Variants in MYH2 observed in about 807,000 individuals in gnomAD.
The protein encoded by MYH2 is myosin-2.
A neutral mutation model predicts 228.1 loss-of-function variants in MYH2; 139 were observed. That is an observed-to-expected ratio of 0.61 (90% CI 0.53 to 0.70). MYH2 has a LOEUF of 0.70. MYH2 is among the 30% of genes least tolerant of loss of function. The pLI, the probability that MYH2 is intolerant of heterozygous loss-of-function variation, is 0.00. For missense variants in MYH2, 1,809 were observed against 2,357.5 expected, an observed-to-expected ratio of 0.77 and a Z score of 4.82; for synonymous variants, 796 against 871.1, an observed-to-expected ratio of 0.91 and a Z score of 1.52.
rs7224268 is a variant in MYH2 at position 10,522,949 on chromosome 17, A to G, written c.5673+141T>C. 0.53 allele frequency: 354,928 copies of G among 666,094 alleles called. 98,632 individuals carry two copies. Among genetic ancestry groups the G allele is most frequent in the Non-Finnish European group, 0.59 (224,854 of 378,206 alleles). 41.3% of individuals were successfully genotyped at this position (666,094 alleles called of 1,614,324 possible). ...TTTAAAATGAAGCTACTGATATTAC[A>G]AATGATACACAAGAATTATTGTACA... On this transcript the variant is annotated intron_variant, in intron 39 of 39. Transcript: ENST00000245503.
intron 5 of MYH2, among the ~76,000 whole-genome samples, chr17:10,544,958 A>G (rs955918965): frequency 6.6e-6 from 1 of 151,916 alleles, no homozygotes; most frequent in Admixed American, 6.6e-5. Flanking sequence ...TTACTCTTCC[A>G]TTTTTTGGCT....
intron 10 of MYH2, 97 bp downstream of exon 10, chr17:10,542,778 T>C (rs1295784012): frequency 1.3e-6 from 1 of 764,276 alleles, no homozygotes. Flanking sequence ...AAAAGGCACA[T>C]AAACTTGACA....
chr17:10,534,927 T>G, intron 19 of MYH2, 146 bp downstream of exon 19: 2 of 1,021,102 alleles, frequency 2.0e-6, no homozygotes, highest in Non-Finnish European at 3.0e-6. Flanking sequence ...AAAACAAAAG[T>G]GTTCGAGACT....
At chr17:10,548,025 C>T in intron 2 of MYH2, 85 bp from the exon 3 acceptor site, 1 of 1,218,054 alleles carries the variant, frequency 8.2e-7, no homozygotes, top group Non-Finnish European at 1.2e-6. Flanking sequence ...TTTCATAGGC[C>T]CAGTTGGAAA....
intron 10 of MYH2, 57 bp downstream of exon 10, chr17:10,542,816 ACT>A: frequency 1.7e-6 from 2 of 1,144,954 alleles, no homozygotes; most frequent in Non-Finnish European, 2.6e-6. Context: ...ACTAGGTTGG[ACT>A]GTGCATTGAT....
chr17:10,536,687 C>G, intron 16 of MYH2, 81 bp from the exon 17 acceptor site: 1 of 1,316,020 alleles, frequency 7.6e-7, no homozygotes. Context: ...CTGTGTTCAT[C>G]GAGTGGAGCC....
rs755909213 is a variant in MYH2 at position 10,523,553 on chromosome 17, C to T, written c.5415G>A (p.Glu1805=). 3 of 1,614,248 alleles carry T rather than the reference C, an allele frequency of 1.9e-6. No homozygotes were observed. Among genetic ancestry groups the T allele is most frequent in the East Asian group, 2.2e-5 (1 of 44,888 alleles). Residue 1805 remains glutamate (E), a synonymous_variant, in exon 37 of 40, where the codon GAG becomes GAA. Coordinates refer to ENST00000245503, the MANE Select transcript of MYH2 (RefSeq NM_017534.6). The stretch of plus-strand genomic sequence containing the variant: ...CACCCTTCAGGGCCAGCTGCTCAGC[C>T]TCATCCAGACGGAGCTGCAGATCCT... ...TVKDLQLRLD[E]AEQLALKGGK... is the part of the protein sequence containing the mutation.
chr17:10,543,762 C>G lies in MYH2; in HGVS notation c.690G>C (p.Leu230=). The G allele has an allele frequency of 6.2e-7, 1 of 1,614,182 alleles. No homozygotes were observed. The highest frequency in any genetic ancestry group is 1.7e-5 in the Admixed American group (1 of 60,014). ...EDQIISANPL[L]EAFGNAKTVR... is the part of the protein sequence containing the mutation. Reference sequence around the variant, plus strand: ...CGGTCTTGGCGTTGCCAAAGGCCTCCAGTAGGGGGTTGGCACTGATGATTT... The same window carrying G: ...CGGTCTTGGCGTTGCCAAAGGCCTCGAGTAGGGGGTTGGCACTGATGATTT... Residue 230 remains leucine, a synonymous_variant, in exon 8 of 40, where the codon CTG becomes CTC. Coordinates refer to ENST00000245503, the MANE Select transcript of MYH2 (RefSeq NM_017534.6).
At chr17:10,533,071 C>T (rs1246100212) in intron 21 of MYH2, among the ~76,000 whole-genome samples, 1 of 152,144 alleles carries the variant, frequency 6.6e-6, no homozygotes, top group Non-Finnish European at 1.5e-5. Context: ...ATAAGAAGTA[C>T]ACACTTCTTA....
Position 10,526,744 on chromosome 17 carries a change from G to C in MYH2, c.4042C>G (p.Leu1348Val). 1.2e-6 allele frequency: 2 copies of C among 1,614,224 alleles called. No homozygotes were observed. Among genetic ancestry groups the C allele is most frequent in the Non-Finnish European group, 1.7e-6 (2 of 1,180,034 alleles). ...ALQSSRHDCDLLREQYEEEQE... is the reference protein window; with the variant it reads ...ALQSSRHDCDVLREQYEEEQE... ...TCCTCCTCATACTGTTCCCGCAGCA[G>C]GTCACAGTCGTGGCGGGAAGACTGC... is the stretch of plus-strand genomic sequence containing the variant. The change falls in exon 30 of 40, where the codon CTG becomes GTG. Residue 1348 changes from leucine to valine, a missense_variant. Transcript: ENST00000245503.
rs1338582179 is a variant in MYH2 at position 10,529,894 on chromosome 17, T to C, written c.2878A>G (p.Ile960Val). The change falls in exon 23 of 40, where the codon ATT becomes GTT. Residue 960 changes from isoleucine (I) to valine (V), a missense_variant. This residue lies in a region of MYH2 where 43 missense variants were observed against 89.2 expected (regional missense o/e 0.48). Transcript: ENST00000245503. ...EDECSELKKDIDDLELTLAKV... is the reference protein window; with the variant it reads ...EDECSELKKDVDDLELTLAKV... ...GCCAGTGTCAGCTCAAGGTCATCAA[T>C]GTCTTTCTTGAGTTCTGAACATTCA... 5.6e-6 allele frequency: 9 copies of C among 1,613,232 alleles called. No individual in the cohort carries two copies. Among genetic ancestry groups the C allele is most frequent in the Non-Finnish European group, 7.6e-6 (9 of 1,179,332 alleles).
chr17:10,526,478 C>T lies in MYH2; in HGVS notation c.4187+121G>A, dbSNP rs12950718. ...TCTTATTCTCAGGGCCTGATTGTGACTGGCACATAAAAGCAGATTAATGAG... is the reference window on the plus strand; with the variant it reads ...TCTTATTCTCAGGGCCTGATTGTGATTGGCACATAAAAGCAGATTAATGAG... On this transcript the variant is annotated intron_variant, in intron 30 of 39. Coordinates refer to ENST00000245503, the MANE Select transcript of MYH2 (RefSeq NM_017534.6). The T allele has an allele frequency of 0.056, 83,390 of 1,481,170 alleles. 2,719 individuals carry two copies. The highest frequency in any genetic ancestry group is 0.11 in the South Asian group (9,455 of 87,398). 91.8% of individuals were successfully genotyped at this position (1,481,170 alleles called of 1,614,324 possible).
Position 10,523,785 on chromosome 17 carries a change from CT to C in MYH2, c.5274del (p.Glu1759LysfsTer12). 1 of 1,614,232 alleles carries C rather than the reference CT, an allele frequency of 6.2e-7. No individual in the cohort carries two copies. Among genetic ancestry groups the C allele is most frequent in the Non-Finnish European group, 8.5e-7 (1 of 1,180,042 alleles). ...TCAGTGATGGCCTTCTTGGCCTTTT[CT>C]TCTGCATTGCGGGCTTCCTGGAGAA... ...EDILQEARNA[E>X]EKAKKAITDA... On this transcript the variant is annotated frameshift_variant, in exon 36 of 40. Coordinates refer to ENST00000245503, the MANE Select transcript of MYH2 (RefSeq NM_017534.6). LOFTEE classifies it high-confidence loss of function.
intron 22 of MYH2, 37 bp from the exon 23 acceptor site, chr17:10,530,111 A>G: frequency 6.2e-7 from 1 of 1,613,908 alleles, no homozygotes; most frequent in Non-Finnish European, 8.5e-7. Context: ...GGGAAGAAAG[A>G]ATGAAATACT....
Position 10,544,106 on chromosome 17 carries a change from A to AGGAT in MYH2, c.523_526dup (p.Leu176HisfsTer30). The AGGAT allele has an allele frequency of 6.2e-7, 1 of 1,614,172 alleles. No individual in the cohort carries two copies. The highest frequency in any genetic ancestry group is 2.2e-5 in the East Asian group (1 of 44,890). On this transcript the variant is annotated frameshift_variant, in exon 6 of 40. Transcript: ENST00000245503. LOFTEE classifies it high-confidence loss of function. ...AAGCATAAAATCTACTTACGTGATCAGGATTGACTGATTCTCTCGGTCTAC... is the reference window on the plus strand; with the variant it reads ...AAGCATAAAATCTACTTACGTGATCAGGATGGATTGACTGATTCTCTCGGTCTAC...
chr17:10,539,835 T>C (rs2073529566), intron 12 of MYH2, 93 bp downstream of exon 12: 2 of 1,555,008 alleles, frequency 1.3e-6, no homozygotes, highest in Non-Finnish European at 1.8e-6. Flanking sequence ...TTCTTAAAAG[T>C]GAATTTACCT....
Position 10,524,489 on chromosome 17 carries a change from G to A in MYH2, c.5152C>T (p.Arg1718Cys), listed in dbSNP as rs1161860650. ...ACCTGGGTGTGCAGTAGCTGAACAC[G>A]CTCACTGGCATCCAGGAGCTCCTGT... ...AEQELLDASE[R>C]VQLLHTQNTS... The change falls in exon 35 of 40, where the codon CGT becomes TGT. Residue 1718 changes from arginine (R) to cysteine (C), a missense_variant. Around this residue, in one of 9 missense-constraint regions of MYH2, gnomAD observed 278 missense variants for 308.5 expected, o/e 0.90. Transcript: ENST00000245503. The surrounding 1 kb of genome is among the most constrained non-coding windows in gnomAD (Gnocchi z 4.7). The A allele has an allele frequency of 1.9e-6, 3 of 1,614,132 alleles. No homozygotes were observed. The highest frequency in any genetic ancestry group is 2.5e-6 in the Non-Finnish European group (3 of 1,180,014).
At chr17:10,522,527 A>G (rs1043222633) in intron 39 of MYH2, among the ~76,000 whole-genome samples, 1 of 152,024 alleles carries the variant, frequency 6.6e-6, no homozygotes, top group Non-Finnish European at 1.5e-5. Context: ...TTTATTTTTA[A>G]CAGTACTTCT....
Position 10,525,869 on chromosome 17 carries a change from G to T in MYH2, c.4195C>A (p.Leu1399Met), listed in dbSNP as rs772840544. 54 of 1,614,010 alleles carry T rather than the reference G, an allele frequency of 3.3e-5. 1 individual carries two copies. Among genetic ancestry groups the T allele is most frequent in the South Asian group, 2.4e-4 (22 of 91,080 alleles). Residue 1399 changes from leucine to methionine, a missense_variant, in exon 31 of 40, where the codon CTG becomes ATG. Transcript: ENST00000245503. The surrounding 1 kb of genome is among the most constrained non-coding windows in gnomAD (Gnocchi z 4.2). ...TCAGCTGCCTGCAGCCGCTGGGCCA[G>T]CTTCTTCCTTGAATATTATACATGT... Reference protein sequence around the residue: ...TEELEEAKKKLAQRLQAAEEH... With the variant: ...TEELEEAKKKMAQRLQAAEEH...
Sources: allele counts gnomAD v4.1 joint callset (sites outside exome capture counted in the v4.1 genomes callset), GRCh38; gene constraint gnomAD v4.1.1; regional missense constraint gnomAD v4.1.1; non-coding constraint Gnocchi (gnomAD v3.1); transcripts MANE v1.5; gene names NCBI Gene and HGNC (gene_info 2026-07-23, HGNC 2026-07-21).